Variants in HADHA observed in about 807,000 individuals in gnomAD.
The protein encoded by HADHA is hydroxyacyl-CoA dehydrogenase trifunctional multienzyme complex subunit alpha, also known as trifunctional enzyme subunit alpha, mitochondrial.
A neutral mutation model predicts 91.3 loss-of-function variants in HADHA; 59 were observed. The observed-to-expected ratio is 0.65, with a 90% confidence interval of 0.52 to 0.80. The LOEUF is 0.80. Among genes scored for constraint, HADHA ranks in the 30% least tolerant of loss-of-function variants. The pLI, the probability that HADHA is intolerant of heterozygous loss-of-function variation, is 0.00. For missense variants in HADHA, 800 were observed against 927.6 expected, an observed-to-expected ratio of 0.86 and a Z score of 1.79; for synonymous variants, 320 against 338.9, an observed-to-expected ratio of 0.94 and a Z score of 0.61.
chr2:26,220,258 G>C (rs887006452), intron 7 of HADHA, among the ~76,000 whole-genome samples: 1 of 152,176 alleles, frequency 6.6e-6, no homozygotes, highest in East Asian at 1.9e-4. Flanking sequence ...TATTTTCCCA[G>C]TTTCAGAATG....
rs760608614 is a variant in HADHA at position 26,204,050 on chromosome 2, G to A, written c.1220+12C>T. The A allele has an allele frequency of 3.1e-6, 5 of 1,613,338 alleles. No individual in the cohort carries two copies. Among genetic ancestry groups the A allele is most frequent in the Non-Finnish European group, 4.2e-6 (5 of 1,179,268 alleles). ...ACATTCTAACTCTTGCAAAGAGAGA[G>A]AGCAGGCTTACCCTTTGAACACTTG... On this transcript the variant is annotated intron_variant, in intron 12 of 19. Coordinates refer to ENST00000380649, the MANE Select transcript of HADHA (RefSeq NM_000182.5).
Position 26,191,483 on chromosome 2 carries a change from C to T in HADHA, c.2146G>A (p.Gly716Arg). ...TTCCTTCCCAACCTGCGAGACCAAC[C>T]TCCCAGACAAGGCGGGAAGCCAAGC... ...FGLGFPPCLG[G>R]PFRFVDLYGA... The change falls in exon 19 of 20, where the codon GGG becomes AGG. Residue 716 changes from glycine to arginine, a missense_variant and splice_region_variant. Physicochemically the swap from Gly to Arg is moderately radical, Grantham distance 125 (BLOSUM62 -2). Transcript: ENST00000380649. 6.2e-7 allele frequency: 1 copy of T among 1,614,206 alleles called. No homozygotes were observed. Among genetic ancestry groups the T allele is most frequent in the Non-Finnish European group, 8.5e-7 (1 of 1,180,022 alleles).
At chr2:26,212,373 C>A in intron 10 of HADHA, 197 bp downstream of exon 10, 1 of 600,034 alleles carries the variant, frequency 1.7e-6, no homozygotes, top group South Asian at 1.9e-5. Flanking sequence ...AGGGGTAAAC[C>A]ACCACGCCTG....
intron 4 of HADHA, 68 bp from the exon 5 acceptor site, chr2:26,234,423 AT>A: frequency 7.9e-7 from 1 of 1,264,396 alleles, no homozygotes; most frequent in Non-Finnish European, 1.2e-6. Context: ...TTCAATACTT[AT>A]TCACTATACA....
At chr2:26,219,486 A>G (rs1482064337) in intron 7 of HADHA, among the ~76,000 whole-genome samples, 1 of 152,226 alleles carries the variant, frequency 6.6e-6, no homozygotes, top group Non-Finnish European at 1.5e-5. Flanking sequence ...AAGAACTGAC[A>G]GGTCACCCTG....
At position 26,214,505 on chromosome 2, in the gene HADHA, C is replaced by T; in HGVS notation, c.856G>A (p.Val286Met). 6.2e-7 allele frequency: 1 copy of T among 1,609,652 alleles called. No homozygotes were observed. ...GTCTGCTTTCGCACTTTTTCTTCCA[C>T]TTTTTTGTAAACCTGTTGCCTGACA... ...PFVRQQVYKK[V>M]EEKVRKQTKG... Residue 286 changes from valine to methionine, a missense_variant, in exon 9 of 20, where the codon GTG becomes ATG. Coordinates refer to ENST00000380649, the MANE Select transcript of HADHA (RefSeq NM_000182.5). This position sits in a 1 kb window ranked among gnomAD's most constrained non-coding sequence, Gnocchi z 4.1.
At chr2:26,243,825 C>T (rs1194390283) in intron 1 of HADHA, among the ~76,000 whole-genome samples, 5 of 152,204 alleles carry the variant, frequency 3.3e-5, no homozygotes, top group Non-Finnish European at 7.3e-5. Flanking sequence ...CTAGCTAATA[C>T]AGGCTGACTG....
rs1255838321 is a variant in HADHA at position 26,221,621 on chromosome 2, C to T, written c.677-6446G>A. 6.6e-6 allele frequency among the ~76,000 whole-genome samples: 1 copy of T among 152,200 alleles called. No homozygotes were observed. The highest frequency in any genetic ancestry group is 2.4e-5 in the African/African-American group (1 of 41,458). ...GCATGAGGAAGTAGCCAAAATACCC[C>T]ACGGCCCTGTTCTTCTTTGTCTCTT... is the stretch of plus-strand genomic sequence containing the variant. On this transcript the variant is annotated intron_variant, in intron 7 of 19. Transcript: ENST00000380649. This position sits in a 1 kb window ranked among gnomAD's most constrained non-coding sequence, Gnocchi z 4.8.
At chr2:26,217,912 GAAAC>G (rs767132551) in intron 7 of HADHA, among the ~76,000 whole-genome samples, 116 of 152,076 alleles carry the variant, frequency 7.6e-4, no homozygotes, top group Non-Finnish European at 1.4e-3. Flanking sequence ...GTCTCAAAAA[GAAAC>G]AAACAAACAA....
At position 26,244,567 on chromosome 2, in the gene HADHA, G is replaced by A; in HGVS notation, c.30C>T (p.Leu10=). ...GGATCCTGAAGGCAGAAAAGCGGCT[G>A]AGGATGCCAATCGCCCGGCAGGCCA... MVACRAIGI[L]SRFSAFRILR... The change falls in exon 1 of 20, where the codon CTC becomes CTT. Residue 10 remains leucine (L), a synonymous_variant. Coordinates refer to ENST00000380649, the MANE Select transcript of HADHA (RefSeq NM_000182.5). 6.3e-7 allele frequency: 1 copy of A among 1,588,372 alleles called. No individual in the cohort carries two copies. Among genetic ancestry groups the A allele is most frequent in the Non-Finnish European group, 8.6e-7 (1 of 1,166,942 alleles).
At chr2:26,192,830 A>G (rs1214440610) in intron 17 of HADHA, among the ~76,000 whole-genome samples, 1 of 152,212 alleles carries the variant, frequency 6.6e-6, no homozygotes, top group Non-Finnish European at 1.5e-5. Flanking sequence ...GAATTCCTGA[A>G]TTTGTATGTC....
At chr2:26,195,328 G>T in intron 14 of HADHA, 96 bp from the exon 15 acceptor site, 1 of 1,066,334 alleles carries the variant, frequency 9.4e-7, no homozygotes, top group Non-Finnish European at 1.5e-6. Context: ...AAAGAAAGGT[G>T]GCTGTGATAT....
chr2:26,201,349 G>A, intron 12 of HADHA, 29 bp from the exon 13 acceptor site: 1 of 1,492,814 alleles, frequency 6.7e-7, no homozygotes, highest in Non-Finnish European at 9.3e-7. Context: ...TAGTTAGATG[G>A]GAAGAAAAGG....
In HADHA at chr2:26,214,230, A is replaced by G. The variant is rs1670164902; in HGVS notation, c.918+213T>C. 6.6e-6 allele frequency among the ~76,000 whole-genome samples: 1 copy of G among 152,214 alleles called. No homozygotes were observed. Among genetic ancestry groups the G allele is most frequent in the African/African-American group, 2.4e-5 (1 of 41,446 alleles). On this transcript the variant is annotated intron_variant, in intron 9 of 19. Transcript: ENST00000380649. This position sits in a 1 kb window ranked among gnomAD's most constrained non-coding sequence, Gnocchi z 4.1. ...CTGATACATTTAACTGCATCAATCA[A>G]TGAGTAAGTCCAGCACTGATTTTCC...
intron 18 of HADHA, among the ~76,000 whole-genome samples, chr2:26,192,103 A>C (rs1365199713): frequency 6.6e-6 from 1 of 152,172 alleles, no homozygotes; most frequent in Non-Finnish European, 1.5e-5. Context: ...CCATGCCAGC[A>C]TCAGGAGTGG....
rs200075452 is a variant in HADHA, at chr2:26,191,446, G to T, written c.2146+37C>A. The T allele has an allele frequency of 1.0e-4, 164 of 1,614,156 alleles. 2 individuals carry two copies. In the Admixed American group the frequency reaches 2.7e-3, roughly 27 times the overall value. The stretch of plus-strand genomic sequence containing the variant: ...GAAGGAGACGCAACACGGGCTCCAG[G>T]CTAAAGTGAGCTTCCTTCCCAACCT... On this transcript the variant is annotated intron_variant, in intron 19 of 19. Transcript: ENST00000380649.
At chr2:26,237,537 G>A (rs557870703) in intron 3 of HADHA, among the ~76,000 whole-genome samples, 1 of 152,236 alleles carries the variant, frequency 6.6e-6, no homozygotes, top group Non-Finnish European at 1.5e-5. Flanking sequence ...TTAGGTGGGA[G>A]GATCACCTGA....
chr2:26,236,343 G>A lies in HADHA; in HGVS notation c.314+512C>T, dbSNP rs1424616719. Among the ~76,000 whole-genome samples, 3 of 105,184 alleles carry A rather than the reference G, an allele frequency of 2.9e-5. No homozygotes were observed. The East Asian group carries it at 6.0e-4, about 21-fold the overall frequency. 69.0% of individuals were successfully genotyped at this position (105,184 alleles called of 152,430 possible). A position where few individuals can be genotyped will look rare whatever the true frequency, so the allele number is the denominator to read the frequency against. Reference sequence around the variant, plus strand: ...GAGATTTCTCTAGATCACATGATGTGTGTGTGTGTGTGTGTGTATATATAT... The same window carrying A: ...GAGATTTCTCTAGATCACATGATGTATGTGTGTGTGTGTGTGTATATATAT... On this transcript the variant is annotated intron_variant, in intron 4 of 19. Transcript: ENST00000380649.
chr2:26,193,821 C>T (rs1260233636), intron 16 of HADHA, 49 bp from the exon 17 acceptor site: 28 of 1,450,174 alleles, frequency 1.9e-5, no homozygotes, highest in Non-Finnish European at 2.7e-5. Context: ...AGCCCAAATC[C>T]CCCCAAAGGG....
Sources: allele counts gnomAD v4.1 joint callset (sites outside exome capture counted in the v4.1 genomes callset), GRCh38; gene constraint gnomAD v4.1.1; non-coding constraint Gnocchi (gnomAD v3.1); transcripts MANE v1.5; gene names NCBI Gene and HGNC (gene_info 2026-07-23, HGNC 2026-07-21).